RTN4R: variants seen among roughly 807,000 people sequenced by gnomAD.
RTN4R encodes reticulon-4 receptor.
Under a neutral mutation model 27.7 loss-of-function variants are expected in RTN4R, and 4 were observed. That is an observed-to-expected ratio of 0.14 (90% CI 0.07 to 0.33). The LOEUF is 0.33. Ranked by LOEUF, RTN4R falls within the 10% of genes least tolerant of loss-of-function variation. The probability of loss-of-function intolerance (pLI) is 1.00; values close to 1 mark genes in which losing one functional copy is unlikely to be tolerated. For synonymous variants in RTN4R, 290 were observed against 305.6 expected, an observed-to-expected ratio of 0.95 and a Z score of 0.53; for missense variants, 554 against 671.5, an observed-to-expected ratio of 0.83 and a Z score of 1.93.
intron 1 of RTN4R, among the ~76,000 whole-genome samples, chr22:20,253,085 C>T (rs910533079): frequency 6.6e-6 from 1 of 152,236 alleles, no homozygotes; most frequent in South Asian, 2.1e-4. Flanking sequence ...TCTTGCAAGG[C>T]CACTCTGGCC....
intron 1 of RTN4R, among the ~76,000 whole-genome samples, chr22:20,263,543 C>T (rs2051259752): frequency 6.6e-6 from 1 of 152,256 alleles, no homozygotes; most frequent in Non-Finnish European, 1.5e-5. Context: ...AGGGTGCTGA[C>T]TGGAGAGCCA....
chr22:20,251,199 G>A (rs554363546), intron 1 of RTN4R, among the ~76,000 whole-genome samples: 45 of 152,108 alleles, frequency 3.0e-4, no homozygotes, highest in Non-Finnish European at 6.0e-4. Context: ...GGCTGGACAG[G>A]GCCTGGAAAG....
chr22:20,253,091 T>C (rs2051193679), intron 1 of RTN4R, among the ~76,000 whole-genome samples: 1 of 152,212 alleles, frequency 6.6e-6, no homozygotes, highest in Non-Finnish European at 1.5e-5. Context: ...AAGGCCACTC[T>C]GGCCTGGCCT....
chr22:20,262,039 G>A (rs1407849699), intron 1 of RTN4R, among the ~76,000 whole-genome samples: 4 of 152,234 alleles, frequency 2.6e-5, no homozygotes, highest in Non-Finnish European at 5.9e-5. Flanking sequence ...GGGAGCCGGG[G>A]CCGGCTGTGG....
At chr22:20,266,456 T>G (rs1218176320) in intron 1 of RTN4R, among the ~76,000 whole-genome samples, 1 of 152,218 alleles carries the variant, frequency 6.6e-6, no homozygotes, top group Non-Finnish European at 1.5e-5. Context: ...AAGAAGGTCC[T>G]CACCATGGAG....
At chr22:20,254,746 T>G (rs981638878) in intron 1 of RTN4R, among the ~76,000 whole-genome samples, 5 of 151,924 alleles carry the variant, frequency 3.3e-5, no homozygotes, top group African/African-American at 1.2e-4. Flanking sequence ...AAAGGGAAGT[T>G]ATGGGGCAGC....
At chr22:20,244,636 C>G (rs1318353494) in intron 1 of RTN4R, among the ~76,000 whole-genome samples, 1 of 152,192 alleles carries the variant, frequency 6.6e-6, no homozygotes, top group Non-Finnish European at 1.5e-5. Flanking sequence ...ACTGCGGACA[C>G]CCTCTCTGCT....
intron 1 of RTN4R, among the ~76,000 whole-genome samples, chr22:20,244,216 T>C (rs2039049696): frequency 6.6e-6 from 1 of 152,250 alleles, no homozygotes; most frequent in Non-Finnish European, 1.5e-5. Context: ...AGAGCAGGAT[T>C]CTGCAGACAT....
intron 1 of RTN4R, among the ~76,000 whole-genome samples, chr22:20,261,059 C>T (rs1429346848): frequency 6.6e-6 from 1 of 152,232 alleles, no homozygotes; most frequent in Non-Finnish European, 1.5e-5. Flanking sequence ...TACGAGGACC[C>T]TCACGGCAGA....
At chr22:20,253,704 G>C (rs1319904565) in intron 1 of RTN4R, among the ~76,000 whole-genome samples, 1 of 152,130 alleles carries the variant, frequency 6.6e-6, no homozygotes, top group Non-Finnish European at 1.5e-5. Flanking sequence ...GTGGGAAAAA[G>C]ACAAAAATTA....
At chr22:20,256,751 C>A (rs1400225460) in intron 1 of RTN4R, among the ~76,000 whole-genome samples, 8 of 152,254 alleles carry the variant, frequency 5.3e-5, no homozygotes, top group African/African-American at 4.8e-5. Context: ...ATGGCTGCAG[C>A]AGGCCTGGAG....
intron 1 of RTN4R, among the ~76,000 whole-genome samples, chr22:20,263,757 C>T (rs985184831): frequency 6.6e-6 from 1 of 152,256 alleles, no homozygotes; most frequent in Non-Finnish European, 1.5e-5. Context: ...TGCCAACTGC[C>T]CTGCCTTTCT....
Position 20,265,820 on chromosome 22 carries a change from G to C in RTN4R, c.22+2251C>G. ...TGGGCATTCTGAGGCAGAAGCACCA[G>C]AGTCAGAACTCCACAGGGAAAGCCG... On this transcript the variant is annotated intron_variant, in intron 1 of 1. Coordinates refer to ENST00000043402, the MANE Select transcript of RTN4R (RefSeq NM_023004.6). Among the ~76,000 whole-genome samples the C allele has an allele frequency of 1.3e-5, 2 of 152,220 alleles. 1 individual carries two copies. The highest frequency in any genetic ancestry group is 2.9e-5 in the Non-Finnish European group (2 of 68,038).
In RTN4R at chr22:20,242,559, T is replaced by C. The variant is rs151151416; in HGVS notation, c.574A>G (p.Ser192Gly). 1.2e-5 allele frequency: 19 copies of C among 1,613,328 alleles called. No homozygotes were observed. The African/African-American group carries it at 2.5e-4, about 22-fold the overall frequency. ...CCACGGAAGGCGCGCTCGGGCACGC[T>C]GGAGATGCGGTTGCCGTGCAGGAAG... ...HLFLHGNRIS[S>G]VPERAFRGLH... is the part of the protein sequence containing the mutation. The change falls in exon 2 of 2, where the codon AGC becomes GGC. Residue 192 changes from serine (S) to glycine (G), a missense_variant. Transcript: ENST00000043402.
intron 1 of RTN4R, among the ~76,000 whole-genome samples, chr22:20,249,804 G>A (rs140888369): frequency 1.4e-4 from 22 of 152,310 alleles, no homozygotes; most frequent in Middle Eastern, 6.8e-3. Flanking sequence ...CCAGGCAGGC[G>A]AGCGGCCTCT....
At chr22:20,243,475 C>T (rs1044051870) in intron 1 of RTN4R, 7 of 534,640 alleles carry the variant, frequency 1.3e-5, no homozygotes, top group Admixed American at 9.0e-5. Context: ...ACACAGAGCC[C>T]GCATTGCAGG....
At chr22:20,262,029 G>A (rs1381877223) in intron 1 of RTN4R, among the ~76,000 whole-genome samples, 1 of 152,250 alleles carries the variant, frequency 6.6e-6, no homozygotes, top group South Asian at 2.1e-4. Flanking sequence ...ATGGTAGGCA[G>A]GGAGCCGGGG....
At chr22:20,267,590 C>T (rs374350525) in intron 1 of RTN4R, 42 of 465,818 alleles carry the variant, frequency 9.0e-5, no homozygotes, top group South Asian at 6.4e-4. Flanking sequence ...CGCCCCCATT[C>T]ATCCCACTGT....
chr22:20,255,597 C>T lies in RTN4R; in HGVS notation c.22+12474G>A, dbSNP rs1037482879. ...CTGTGCTTGGGCCTTCCCTGCAGGC[C>T]AGGCAGCTGCTTCCCTGAACCAGCC... On this transcript the variant is annotated intron_variant, in intron 1 of 1. Transcript: ENST00000043402. The surrounding 1 kb of genome is among the most constrained non-coding windows in gnomAD (Gnocchi z 4.8). 5.3e-5 allele frequency among the ~76,000 whole-genome samples: 8 copies of T among 152,258 alleles called. No homozygotes were observed. The South Asian group carries it at 1.0e-3, about 20-fold the overall frequency.
Sources: allele counts gnomAD v4.1 joint callset (sites outside exome capture counted in the v4.1 genomes callset), GRCh38; gene constraint gnomAD v4.1.1; non-coding constraint Gnocchi (gnomAD v3.1); transcripts MANE v1.5; gene names NCBI Gene and HGNC (gene_info 2026-07-23, HGNC 2026-07-21).